Variants in VASP observed in about 807,000 individuals in gnomAD.
VASP encodes the protein vasodilator stimulated phosphoprotein, also known as vasodilator-stimulated phosphoprotein.
In VASP, 27 loss-of-function variants were observed where a neutral mutation model predicts 54.4. The ratio of observed to expected loss-of-function variants is 0.50; its 90% confidence interval spans 0.37 to 0.68. The LOEUF (loss-of-function observed/expected upper bound fraction) is 0.68. VASP is among the 30% of genes least tolerant of loss of function. VASP has a pLI of 0.00. For synonymous variants in VASP, 233 were observed against 209.8 expected (o/e 1.11, Z -0.96); for missense variants, 488 against 528.3 (o/e 0.92, Z 0.75).
chr19:45,519,460 AT>A lies in VASP; in HGVS notation c.343+1382del, dbSNP rs1257458286. On this transcript the variant is annotated intron_variant, in intron 3 of 12. Transcript: ENST00000245932. ...TGTCTGGCCACCTGGATCATTTCAA[AT>A]TTTTTTTTTTTTTTTACTTTTTGTG... 4.2e-3 allele frequency among the ~76,000 whole-genome samples: 594 copies of A among 140,364 alleles called. 1 individual carries two copies. The highest frequency in any genetic ancestry group is 4.1e-3 in the Middle Eastern group (1 of 246). The allele number at this position is 140,364 out of a possible 152,430, so 92.1% of individuals were successfully genotyped here.
At chr19:45,511,004 C>T (rs1968591313) in intron 1 of VASP, among the ~76,000 whole-genome samples, 1 of 149,508 alleles carries the variant, frequency 6.7e-6, no homozygotes, top group African/African-American at 2.5e-5. Context: ...AAAAAAGGAA[C>T]GTGCTTTCAC....
chr19:45,514,622 C>T (rs540925601), intron 1 of VASP, among the ~76,000 whole-genome samples: 4 of 152,324 alleles, frequency 2.6e-5, no homozygotes, highest in African/African-American at 4.8e-5. Flanking sequence ...CCCTGTTCTC[C>T]GGCCAGTCCA....
chr19:45,519,894 CTTTTTTTTTTTT>C (rs57892194), intron 3 of VASP, among the ~76,000 whole-genome samples: 21 of 50,974 alleles, frequency 4.1e-4, no homozygotes, highest in Non-Finnish European at 6.0e-4. Context: ...TGCGCCCGGC[CTTTTTTTTTTTT>C]TTTTTTTTTT....
chr19:45,520,975 A>G (rs1285869407), intron 3 of VASP, among the ~76,000 whole-genome samples: 1 of 152,194 alleles, frequency 6.6e-6, no homozygotes, highest in African/African-American at 2.4e-5. Context: ...AAACAAACCA[A>G]CAGTGGTTAA....
chr19:45,514,161 C>T (rs1397048223), intron 1 of VASP, among the ~76,000 whole-genome samples: 1 of 152,110 alleles, frequency 6.6e-6, no homozygotes, highest in Non-Finnish European at 1.5e-5. Flanking sequence ...GAAGAAGCAG[C>T]ACACAGGCCC....
chr19:45,522,471 CCACCCCCTG>C lies in VASP; in HGVS notation c.619_627del (p.Ala207_Pro209del). ...TGCAGCGCACGGAGCAGGGGGAGGA[CCACCCCCTG>C]CACCCCCTCTCCCGGCAGCACAGGG... is the stretch of plus-strand genomic sequence containing the variant. On this transcript the variant is annotated inframe_deletion, in exon 6 of 13. Coordinates refer to ENST00000245932, the MANE Select transcript of VASP (RefSeq NM_003370.4). 3 of 1,481,462 alleles carry C rather than the reference CCACCCCCTG, an allele frequency of 2.0e-6. No homozygotes were observed. The highest frequency in any genetic ancestry group is 2.7e-6 in the Non-Finnish European group (3 of 1,117,954). 91.8% of individuals were successfully genotyped at this position (1,481,462 alleles called of 1,614,324 possible).
chr19:45,522,392 C>T lies in VASP; in HGVS notation c.531C>T (p.Pro177=), dbSNP rs761974924. ...GTCCACCCCCACCACCAGGACCTCC[C>T]CCTCCTCCAGGTCCCCCCCCACCCC... ...AGGPPPPPGP[P]PPPGPPPPPG... The change falls in exon 6 of 13, where the codon CCC becomes CCT. Residue 177 remains proline, a synonymous_variant. Transcript: ENST00000245932. 1.1e-5 allele frequency: 17 copies of T among 1,536,192 alleles called. No individual in the cohort carries two copies. The highest frequency in any genetic ancestry group is 9.6e-5 in the South Asian group (8 of 83,198).
At chr19:45,523,902 A>G in intron 9 of VASP, 25 bp downstream of exon 9, 1 of 1,613,774 alleles carries the variant, frequency 6.2e-7, no homozygotes, top group African/African-American at 1.3e-5. Flanking sequence ...CAGTCCAGCC[A>G]CAGGAACTAC....
intron 7 of VASP, among the ~76,000 whole-genome samples, chr19:45,523,271 C>T (rs963639328): frequency 8.1e-6 from 1 of 123,710 alleles, no homozygotes; most frequent in East Asian, 2.7e-4. Context: ...GGTATGATCT[C>T]GGTCCACTGC....
intron 3 of VASP, 122 bp downstream of exon 3, chr19:45,518,216 T>C (rs933421482): frequency 3.7e-6 from 5 of 1,364,660 alleles, no homozygotes; most frequent in South Asian, 1.5e-5. Context: ...ATTGTTATCA[T>C]GGAAAATTAT....
At chr19:45,522,848 C>G (rs1277544685) in intron 7 of VASP, 30 bp downstream of exon 7, 1 of 1,590,538 alleles carries the variant, frequency 6.3e-7, no homozygotes, top group Admixed American at 1.8e-5. Context: ...CCCAAGTCAC[C>G]TGGAGTTCCA....
chr19:45,514,623 G>A (rs561274315), intron 1 of VASP, among the ~76,000 whole-genome samples: 11 of 152,310 alleles, frequency 7.2e-5, no homozygotes, highest in Non-Finnish European at 1.0e-4. Flanking sequence ...CCTGTTCTCC[G>A]GCCAGTCCAG....
Position 45,507,706 on chromosome 19 carries a change from ACCT to A in VASP, c.-63_-61del. 1 of 1,510,546 alleles carries A rather than the reference ACCT, an allele frequency of 6.6e-7. No homozygotes were observed. The highest frequency in any genetic ancestry group is 2.7e-5 in the East Asian group (1 of 37,350). 93.6% of individuals were successfully genotyped at this position (1,510,546 alleles called of 1,614,324 possible). ...CCCGGAGCCAGCCCCGAACCCCTGA[ACCT>A]CCAGCCAGGGGCGCCCCGGGAGCAG... On this transcript the variant is annotated 5_prime_UTR_variant, in exon 1 of 13. Transcript: ENST00000245932. This position sits in a 1 kb window ranked among gnomAD's most constrained non-coding sequence, Gnocchi z 4.4.
Position 45,517,785 on chromosome 19 carries a change from C to T in VASP, c.128C>T (p.Thr43Met), listed in dbSNP as rs752567917. Residue 43 changes from threonine to methionine, a missense_variant, in exon 2 of 13, where the codon ACG becomes ATG. Physicochemically the swap from Thr to Met is moderately conservative, Grantham distance 81. Around this residue, in one of 4 missense-constraint regions of VASP, gnomAD observed 127 missense variants for 170.7 expected, o/e 0.74. Coordinates refer to ENST00000245932, the MANE Select transcript of VASP (RefSeq NM_003370.4). The stretch of plus-strand genomic sequence containing the variant: ...CGCGTCCAGATCTACCACAACCCCA[C>T]GGCCAATTCCTTTCGCGTCGTGGGC... Reference protein sequence around the residue: ...FSRVQIYHNPTANSFRVVGRK... With the variant: ...FSRVQIYHNPMANSFRVVGRK... 75 of 1,613,912 alleles carry T rather than the reference C, an allele frequency of 4.6e-5. No homozygotes were observed. Among genetic ancestry groups the T allele is most frequent in the Non-Finnish European group, 5.5e-5 (65 of 1,180,034 alleles).
At position 45,521,406 on chromosome 19, in the gene VASP, G is replaced by T; in HGVS notation, c.428G>T (p.Arg143Met). The part of the protein sequence containing the change: ...PSPEEVEQQK[R>M]QQPGPSEHIE... ...CCGGAGGAGGTGGAGCAGCAGAAAA[G>T]GTGGGGCTGGGCCCTGGGTGGGGAA... Residue 143 changes from arginine (R) to methionine (M), a missense_variant and splice_region_variant, in exon 4 of 13, where the codon AGG (arginine) becomes ATG (methionine). Around this residue, in one of 4 missense-constraint regions of VASP, gnomAD observed 226 missense variants for 196.0 expected, o/e 1.15. Transcript: ENST00000245932. The T allele has an allele frequency of 6.4e-7, 1 of 1,557,956 alleles. No homozygotes were observed. The highest frequency in any genetic ancestry group is 8.7e-7 in the Non-Finnish European group (1 of 1,151,114).
At position 45,521,352 on chromosome 19, in the gene VASP, C is replaced by T. The variant is rs771045659; in HGVS notation, c.374C>T (p.Pro125Leu). Residue 125 changes from proline (P) to leucine (L), a missense_variant, in exon 4 of 13, where the codon CCC becomes CTC. Pro to Leu is a moderately conservative substitution (Grantham distance 98, BLOSUM62 -3). This residue lies in a region of VASP where 226 missense variants were observed against 196.0 expected (regional missense o/e 1.15). Coordinates refer to ENST00000245932, the MANE Select transcript of VASP (RefSeq NM_003370.4). ...GGGCCCCCTCCACCCCCAGCACTTCCCACCTGGTCGGTCCCGAACGGCCCC... is the reference window on the plus strand; with the variant it reads ...GGGCCCCCTCCACCCCCAGCACTTCTCACCTGGTCGGTCCCGAACGGCCCC... ...GGGPPPPPALPTWSVPNGPSP... is the reference protein window; with the variant it reads ...GGGPPPPPALLTWSVPNGPSP... The T allele has an allele frequency of 3.2e-6, 5 of 1,582,980 alleles. No individual in the cohort carries two copies. Among genetic ancestry groups the T allele is most frequent in the Non-Finnish European group, 3.4e-6 (4 of 1,164,626 alleles).
At position 45,524,639 on chromosome 19, in the gene VASP, G is replaced by C; in HGVS notation, c.1026G>C (p.Ser342=). The part of the protein sequence containing the change: ...QPCTPSSSDY[S]DLQRVKQELL... ...GCACGCCCAGCTCCAGTGATTACTCGGACCTACAGAGGGTGAAACAGGTAA... is the reference window on the plus strand; with the variant it reads ...GCACGCCCAGCTCCAGTGATTACTCCGACCTACAGAGGGTGAAACAGGTAA... Residue 342 remains serine (S), a synonymous_variant, in exon 11 of 13, where the codon TCG becomes TCC. Transcript: ENST00000245932. The C allele has an allele frequency of 6.2e-7, 1 of 1,613,726 alleles. No homozygotes were observed. Among genetic ancestry groups the C allele is most frequent in the Non-Finnish European group, 8.5e-7 (1 of 1,179,864 alleles).
At chr19:45,525,858 G>A (rs1968950847) in intron 11 of VASP, 88 bp from the exon 12 acceptor site, 1 of 1,343,254 alleles carries the variant, frequency 7.4e-7, no homozygotes, top group Non-Finnish European at 1.0e-6. Context: ...AACAGAGCAA[G>A]GTTCCTTCTC....
chr19:45,508,359 G>A (rs1255055447), intron 1 of VASP, among the ~76,000 whole-genome samples: 2 of 152,168 alleles, frequency 1.3e-5, no homozygotes, highest in African/African-American at 2.4e-5. Flanking sequence ...AGGCTGGTGT[G>A]AACCGATCCA....
Sources: allele counts gnomAD v4.1 joint callset (sites outside exome capture counted in the v4.1 genomes callset), GRCh38; gene constraint gnomAD v4.1.1; regional missense constraint gnomAD v4.1.1; non-coding constraint Gnocchi (gnomAD v3.1); transcripts MANE v1.5; gene names NCBI Gene and HGNC (gene_info 2026-07-23, HGNC 2026-07-21).